The following GRM7 variants were observed in gnomAD, a reference collection of about 807,000 sequenced individuals.
GRM7 encodes the protein metabotropic glutamate receptor 7.
A neutral mutation model predicts 84.5 loss-of-function variants in GRM7; 35 were observed. The observed-to-expected ratio is 0.41, with a 90% CI of 0.32 to 0.55. The LOEUF (loss-of-function observed/expected upper bound fraction) is 0.55, where lower values mean the gene tolerates loss of function less well. GRM7 is among the 20% of genes least tolerant of loss of function. The probability of loss-of-function intolerance (pLI) is 0.19; values close to 1 mark genes in which losing one functional copy is unlikely to be tolerated. For missense variants in GRM7, 1,003 were observed against 1,194.6 expected, an observed-to-expected ratio of 0.84 and a Z score of 2.36; for synonymous variants, 487 against 455.1, an observed-to-expected ratio of 1.07 and a Z score of -0.89.
intron 2 of GRM7, among the ~76,000 whole-genome samples, chr3:7,264,073 G>A (rs1279509254): frequency 6.6e-6 from 1 of 152,068 alleles, no homozygotes; most frequent in Non-Finnish European, 1.5e-5. Context: ...CAGCACAGGA[G>A]CTATGATGCA....
chr3:6,995,206 T>C (rs770601425), intron 1 of GRM7, among the ~76,000 whole-genome samples: 1 of 152,222 alleles, frequency 6.6e-6, no homozygotes, highest in Non-Finnish European at 1.5e-5. Context: ...GGATAAGTAA[T>C]AGTCACCAGA....
chr3:7,480,231 C>T (rs1699076969), intron 7 of GRM7, among the ~76,000 whole-genome samples: 1 of 152,200 alleles, frequency 6.6e-6, no homozygotes, highest in African/African-American at 2.4e-5. Flanking sequence ...CGCTAGGCCC[C>T]TCAAGATAGA....
At chr3:7,116,136 C>G (rs1213065696) in intron 1 of GRM7, among the ~76,000 whole-genome samples, 1 of 152,252 alleles carries the variant, frequency 6.6e-6, no homozygotes, top group Middle Eastern at 3.4e-3. Context: ...GACGGAAATA[C>G]TCAGACTGTA....
chr3:7,686,282 A>AAAATAATAATAATAAAAAGT, intron 9 of GRM7: 1 of 702,344 alleles, frequency 1.4e-6, no homozygotes, highest in Non-Finnish European at 2.5e-6. Flanking sequence ...TCCCAAAAGG[A>AAAATAATAATAATAAAAAGT]AAATAATAAT....
intron 1 of GRM7, among the ~76,000 whole-genome samples, chr3:6,865,825 C>T (rs553468254): frequency 3.3e-5 from 5 of 151,940 alleles, no homozygotes; most frequent in East Asian, 1.9e-4. Flanking sequence ...GGTATTACTA[C>T]GGTGGTGAAA....
At position 7,238,996 on chromosome 3, in the gene GRM7, C is replaced by CTTTTTTTTTTTTTTTTTTTT. The variant is rs567509392; in HGVS notation, c.737-59688_737-59687insTTTTTTTTTTTTTTTTTTTT. On this transcript the variant is annotated intron_variant, in intron 2 of 9. Transcript: ENST00000357716. ...TTCTTTTCCCTTTCTTTTCTTTTTT[C>CTTTTTTTTTTTTTTTTTTTT]CTTTTTCTTTTTTTTGACATGGTCT... 3.4e-5 allele frequency among the ~76,000 whole-genome samples: 4 copies of CTTTTTTTTTTTTTTTTTTTT among 118,356 alleles called. 1 individual carries two copies. Among genetic ancestry groups the CTTTTTTTTTTTTTTTTTTTT allele is most frequent in the Non-Finnish European group, 6.9e-5 (4 of 58,394 alleles). 77.6% of individuals were successfully genotyped at this position (118,356 alleles called of 152,430 possible).
At chr3:6,999,054 C>T (rs1694923424) in intron 1 of GRM7, among the ~76,000 whole-genome samples, 1 of 152,178 alleles carries the variant, frequency 6.6e-6, no homozygotes, top group African/African-American at 2.4e-5. Context: ...TTTTCTATTG[C>T]ATTGTCAGGC....
intron 4 of GRM7, among the ~76,000 whole-genome samples, chr3:7,357,192 A>T (rs957833370): frequency 2.2e-4 from 34 of 152,000 alleles, no homozygotes; most frequent in Non-Finnish European, 4.3e-4. Context: ...AAGCATTTGT[A>T]TAATCTAAAC....
intron 1 of GRM7, among the ~76,000 whole-genome samples, chr3:7,045,730 T>A (rs932193394): frequency 2.6e-5 from 4 of 152,154 alleles, no homozygotes; most frequent in African/African-American, 7.2e-5. Flanking sequence ...ATTTTTAAGG[T>A]TGAATAATAT....
intron 1 of GRM7, among the ~76,000 whole-genome samples, chr3:6,925,213 T>C (rs952153226): frequency 1.3e-5 from 2 of 152,202 alleles, no homozygotes; most frequent in Admixed American, 1.3e-4. Context: ...TAGTTTGTCT[T>C]CCACATATTT....
chr3:7,180,281 G>C (rs1238523746), intron 2 of GRM7, among the ~76,000 whole-genome samples: 1 of 152,172 alleles, frequency 6.6e-6, no homozygotes, highest in Non-Finnish European at 1.5e-5. Flanking sequence ...GGCCAGGATT[G>C]ATATTAATAG....
At chr3:7,494,709 C>G (rs1277854845) in intron 7 of GRM7, among the ~76,000 whole-genome samples, 1 of 152,142 alleles carries the variant, frequency 6.6e-6, no homozygotes, top group Non-Finnish European at 1.5e-5. Flanking sequence ...ATTCTAATCT[C>G]TGTCATCTAT....
chr3:6,963,899 T>C (rs1435853186), intron 1 of GRM7, among the ~76,000 whole-genome samples: 1 of 152,186 alleles, frequency 6.6e-6, no homozygotes, highest in Non-Finnish European at 1.5e-5. Flanking sequence ...TGAAGTTCTG[T>C]TGGAGTTTTC....
intron 6 of GRM7, among the ~76,000 whole-genome samples, chr3:7,454,766 T>A (rs1697932474): frequency 1.3e-5 from 2 of 152,064 alleles, no homozygotes; most frequent in Admixed American, 6.6e-5. Flanking sequence ...TGGATTACAA[T>A]ATGTATGGTT....
intron 7 of GRM7, among the ~76,000 whole-genome samples, chr3:7,576,303 G>T (rs1436490529): frequency 6.6e-6 from 1 of 152,206 alleles, no homozygotes; most frequent in Non-Finnish European, 1.5e-5. Context: ...CTGAGAAAGA[G>T]AAGATTGTGC....
chr3:7,051,339 C>G (rs1008733444), intron 1 of GRM7, among the ~76,000 whole-genome samples: 20 of 151,664 alleles, frequency 1.3e-4, no homozygotes, highest in African/African-American at 3.4e-4. Context: ...TGTCTAATGA[C>G]TAGAAGAATA....
intron 5 of GRM7, among the ~76,000 whole-genome samples, chr3:7,423,612 A>G (rs2124832797): frequency 1.3e-5 from 2 of 152,258 alleles, no homozygotes; most frequent in South Asian, 4.2e-4. Context: ...CTTCCTTAGA[A>G]GAGTTTCTAG....
At position 7,321,256 on chromosome 3, in the gene GRM7, CTAA is replaced by C. The variant is rs1243865922; in HGVS notation, c.1033+14609_1033+14611del. 4.6e-5 allele frequency among the ~76,000 whole-genome samples: 7 copies of C among 152,132 alleles called. No individual in the cohort carries two copies. In the South Asian group the frequency reaches 1.5e-3, roughly 32 times the overall value. On this transcript the variant is annotated intron_variant, in intron 4 of 9. Coordinates refer to ENST00000357716, the MANE Select transcript of GRM7 (RefSeq NM_000844.4). Reference sequence around the variant, plus strand: ...ATATACAGTTCATAAGGTTCTGATACTAATAATGATACTAGCAAGTTTTAAATT... The same window carrying C: ...ATATACAGTTCATAAGGTTCTGATACTAATGATACTAGCAAGTTTTAAATT...
chr3:7,238,518 A>G (rs775306377), intron 2 of GRM7, among the ~76,000 whole-genome samples: 4 of 151,876 alleles, frequency 2.6e-5, no homozygotes, highest in Non-Finnish European at 4.4e-5. Context: ...GTCTTCTGCC[A>G]CTAACATGTA....
Sources: gnomAD v4.1 joint callset for allele counts (sites outside exome capture counted in the v4.1 genomes callset) on GRCh38, gnomAD v4.1.1 for gene constraint, MANE v1.5 for transcripts, NCBI Gene and HGNC (gene_info 2026-07-23, HGNC 2026-07-21) for gene names.